The following ROBO2 variants were observed in gnomAD, a reference collection of about 807,000 sequenced individuals.
ROBO2 encodes the protein roundabout homolog 2.
ROBO2 carries 53 observed loss-of-function variants against 160.8 expected under a neutral mutation model. The observed-to-expected ratio is 0.33, with a 90% CI of 0.26 to 0.41. The LOEUF is 0.41. Among genes scored for constraint, ROBO2 ranks in the 10% least tolerant of loss-of-function variants. The pLI, the probability that ROBO2 is intolerant of heterozygous loss-of-function variation, is 1.00. For synonymous variants in ROBO2, 664 were observed against 611.7 expected (o/e 1.09, Z -1.26); for missense variants, 1,577 against 1,722.4 (o/e 0.92, Z 1.49).
At chr3:77,152,778 A>G (rs1479440162) in intron 2 of ROBO2, among the ~76,000 whole-genome samples, 1 of 152,196 alleles carries the variant, frequency 6.6e-6, no homozygotes, top group African/African-American at 2.4e-5. Context: ...ATTGAGATAA[A>G]ATTCATATTC....
chr3:76,754,712 G>A (rs1050325144), intron 2 of ROBO2, among the ~76,000 whole-genome samples: 1 of 151,762 alleles, frequency 6.6e-6, no homozygotes, highest in African/African-American at 2.4e-5. Context: ...GACGCCTCAA[G>A]GTTATTGCTA....
chr3:77,401,040 C>G (rs1317326215), intron 2 of ROBO2, among the ~76,000 whole-genome samples: 3 of 151,382 alleles, frequency 2.0e-5, no homozygotes, highest in Non-Finnish European at 4.4e-5. Flanking sequence ...CGGATTGTTT[C>G]CACGATTCTT....
At chr3:76,131,102 A>G (rs1341061832) in intron 2 of ROBO2, among the ~76,000 whole-genome samples, 1 of 152,174 alleles carries the variant, frequency 6.6e-6, no homozygotes, top group African/African-American at 2.4e-5. Flanking sequence ...GACTGATAGA[A>G]TTAATGTGTA....
chr3:77,611,291 C>A, intron 21 of ROBO2, among the ~76,000 whole-genome samples: 1 of 114,524 alleles, frequency 8.7e-6, no homozygotes, highest in African/African-American at 3.1e-5. Flanking sequence ...GAGCGAGACT[C>A]TGTCTCAAAA....
intron 22 of ROBO2, chr3:77,618,087 A>G (rs2094821379): frequency 2.8e-6 from 1 of 361,318 alleles, no homozygotes; most frequent in Non-Finnish European, 5.1e-6. Flanking sequence ...TGGCTACACC[A>G]GAATCTTTTC....
intron 2 of ROBO2, among the ~76,000 whole-genome samples, chr3:76,185,070 A>C (rs1701680295): frequency 6.6e-6 from 1 of 151,458 alleles, no homozygotes; most frequent in Admixed American, 6.6e-5. Context: ...TCATCCAGTC[A>C]AGTTGACACC....
At chr3:76,419,373 A>G (rs988100924) in intron 2 of ROBO2, among the ~76,000 whole-genome samples, 2 of 152,200 alleles carry the variant, frequency 1.3e-5, no homozygotes, top group African/African-American at 2.4e-5. Flanking sequence ...GTAATTGTAC[A>G]CATGTAAATT....
chr3:76,439,287 T>C lies in ROBO2; in HGVS notation c.109+501685T>C, dbSNP rs114047977. Among the ~76,000 whole-genome samples the C allele has an allele frequency of 4.0e-3, 206 of 51,534 alleles. 7 individuals are homozygous for C. The highest frequency in any genetic ancestry group is 0.03 in the East Asian group (21 of 692). The allele number at this position is 51,534 out of a possible 152,430, so 33.8% of individuals were successfully genotyped here. On this transcript the variant is annotated intron_variant, in intron 2 of 26. Transcript: ENST00000487694. Reference sequence around the variant, plus strand: ...AACAGAAACAAATGTAAAATGGGATTCTGCTGAAGGTTACAAAGAAGAGGT... The same window carrying C: ...AACAGAAACAAATGTAAAATGGGATCCTGCTGAAGGTTACAAAGAAGAGGT...
At chr3:76,709,371 A>T (rs1229756634) in intron 2 of ROBO2, among the ~76,000 whole-genome samples, 2 of 152,208 alleles carry the variant, frequency 1.3e-5, no homozygotes, top group Admixed American at 1.3e-4. Flanking sequence ...TCTTACAGAT[A>T]TCACAGCCAC....
chr3:76,801,082 A>G (rs2064161421), intron 2 of ROBO2, among the ~76,000 whole-genome samples: 1 of 152,220 alleles, frequency 6.6e-6, no homozygotes, highest in South Asian at 2.1e-4. Context: ...AAAAAGAATG[A>G]GATCCTGTCA....
chr3:77,611,730 A>G (rs573351318), intron 21 of ROBO2, among the ~76,000 whole-genome samples: 1 of 152,338 alleles, frequency 6.6e-6, no homozygotes, highest in African/African-American at 2.4e-5. Context: ...GAATATCAAA[A>G]GTTATCAAAC....
rs546402600 is a variant in ROBO2 at position 77,490,260 on chromosome 3, C to A, written c.668-2984C>A. On this transcript the variant is annotated intron_variant, in intron 4 of 25. Coordinates refer to ENST00000461745, the Ensembl canonical transcript of ROBO2. ...GGACTACAGGTGCCCGCCACCGCCC[C>A]AGCTAATTTTTAGTAGAGACGGGGT... Among the ~76,000 whole-genome samples, 103 of 152,020 alleles carry A rather than the reference C, an allele frequency of 6.8e-4. 1 individual carries two copies. The highest frequency in any genetic ancestry group is 6.9e-4 in the Non-Finnish European group (47 of 67,966).
intron 21 of ROBO2, among the ~76,000 whole-genome samples, chr3:77,614,745 C>A (rs60953302): frequency 0.032 from 4,472 of 140,308 alleles, 101 homozygotes; most frequent in African/African-American, 0.057. Context: ...AACCAACCAA[C>A]CAACCAACCA....
Position 76,323,138 on chromosome 3 carries a change from TACAC to T in ROBO2, c.109+385571_109+385574del, listed in dbSNP as rs71874425. On this transcript the variant is annotated intron_variant, in intron 2 of 26. Transcript: ENST00000487694. ...CAAATCTTTTACTTATTGTTAGTAT[TACAC>T]ACACACACACACACACACACACACA... Among the ~76,000 whole-genome samples the T allele has an allele frequency of 3.9e-3, 564 of 143,956 alleles. 6 individuals are homozygous for T. The highest frequency in any genetic ancestry group is 9.1e-3 in the South Asian group (41 of 4,516). 94.4% of individuals were successfully genotyped at this position (143,956 alleles called of 152,430 possible). A position where few individuals can be genotyped will look rare whatever the true frequency, so the allele number is the denominator to read the frequency against.
intron 2 of ROBO2, among the ~76,000 whole-genome samples, chr3:77,231,116 G>A (rs1009966064): frequency 6.6e-6 from 1 of 152,026 alleles, no homozygotes; most frequent in Non-Finnish European, 1.5e-5. Flanking sequence ...TGTAATTCCA[G>A]CACTTTGGGA....
intron 23 of ROBO2, among the ~76,000 whole-genome samples, chr3:77,625,685 C>T (rs886304704): frequency 2.0e-5 from 3 of 152,056 alleles, no homozygotes; most frequent in Non-Finnish European, 2.9e-5. Context: ...CCATGCAAGG[C>T]ATCTTTCTAA....
intron 2 of ROBO2, chr3:76,434,877 G>A: frequency 6.3e-7 from 1 of 1,588,910 alleles, no homozygotes; most frequent in Non-Finnish European, 8.6e-7. Flanking sequence ...GAGTGGTCCA[G>A]TATGCAGTGG....
chr3:76,607,569 AT>A (rs1419139896), intron 2 of ROBO2, among the ~76,000 whole-genome samples: 5 of 152,218 alleles, frequency 3.3e-5, no homozygotes, highest in African/African-American at 1.2e-4. Flanking sequence ...ATAGATGTGC[AT>A]TATTGCTTCA....
chr3:76,905,159 TGA>T (rs2075510018), intron 2 of ROBO2, among the ~76,000 whole-genome samples: 1 of 152,134 alleles, frequency 6.6e-6, no homozygotes, highest in Non-Finnish European at 1.5e-5. Flanking sequence ...GGGAGTATAT[TGA>T]GAGATTGATG....
Sources: allele counts gnomAD v4.1 joint callset (sites outside exome capture counted in the v4.1 genomes callset), GRCh38; gene constraint gnomAD v4.1.1; transcripts MANE v1.5; gene names NCBI Gene and HGNC (gene_info 2026-07-23, HGNC 2026-07-21).